The following SCHIP1 variants were observed in gnomAD, a reference collection of about 807,000 sequenced individuals.
SCHIP1 encodes schwannomin interacting protein 1.
A neutral mutation model predicts 29.7 loss-of-function variants in SCHIP1; 8 were observed. That is an observed-to-expected ratio of 0.27 (90% CI 0.16 to 0.49). The LOEUF (loss-of-function observed/expected upper bound fraction) is 0.49. Ranked by LOEUF, SCHIP1 falls within the 20% of genes least tolerant of loss-of-function variation. SCHIP1 has a pLI of 0.99. For missense variants in SCHIP1, 193 were observed against 294.6 expected (o/e 0.66, Z 2.52); for synonymous variants, 76 against 94.9 (o/e 0.80, Z 1.16).
chr3:159,475,214 T>C, the SCHIP1 span, among the ~76,000 whole-genome samples: 2 of 152,182 alleles, frequency 1.3e-5, no homozygotes, highest in Non-Finnish European at 2.9e-5. Context: ...AATTGTGGTA[T>C]ACTCATACAA....
chr3:159,385,566 A>G, the SCHIP1 span, among the ~76,000 whole-genome samples: 2 of 65,566 alleles, frequency 3.1e-5, no homozygotes, highest in Non-Finnish European at 7.0e-5. Context: ...CTGCAAACAA[A>G]CAAACAAACA....
At chr3:159,462,244 C>G in the SCHIP1 span, among the ~76,000 whole-genome samples, 1 of 151,866 alleles carries the variant, frequency 6.6e-6, no homozygotes, top group Non-Finnish European at 1.5e-5. Context: ...AAAAATAAAA[C>G]CATCTGAAAT....
chr3:159,503,820 T>G, the SCHIP1 span, among the ~76,000 whole-genome samples: 8 of 152,184 alleles, frequency 5.3e-5, no homozygotes, highest in Non-Finnish European at 7.3e-5. Flanking sequence ...ATAAAGGTAA[T>G]TAACCTAACA....
the SCHIP1 span, among the ~76,000 whole-genome samples, chr3:159,757,039 C>T: frequency 6.6e-6 from 1 of 152,198 alleles, no homozygotes; most frequent in Non-Finnish European, 1.5e-5. Flanking sequence ...TTCTTCTGAG[C>T]CCTCCAAACT....
At chr3:159,825,733 AG>A in the SCHIP1 span, among the ~76,000 whole-genome samples, 6 of 152,298 alleles carry the variant, frequency 3.9e-5, no homozygotes, top group African/African-American at 1.4e-4. Context: ...CATACAATCT[AG>A]TGGAGCAAAT....
rs2306062 is a variant in SCHIP1 at position 159,886,138 on chromosome 3, C to T, written c.150-69C>T. The T allele has an allele frequency of 8.1e-5, 126 of 1,547,934 alleles. No homozygotes were observed. In the East Asian group the frequency reaches 2.4e-3, roughly 30 times the overall value. ...ACTACTTTCTGTTAGCAAAATCAGA[C>T]AGTTCTATTGGCTGAAGCCAAATAA... On this transcript the variant is annotated intron_variant, in intron 2 of 6. Coordinates refer to ENST00000445224, the Ensembl canonical transcript of SCHIP1.
At chr3:159,889,523 T>C (rs1238189847) in intron 5 of SCHIP1, among the ~76,000 whole-genome samples, 1 of 152,214 alleles carries the variant, frequency 6.6e-6, no homozygotes, top group Non-Finnish European at 1.5e-5. Context: ...AGTTAGTTGC[T>C]TGTCCTGATG....
chr3:159,715,723 C>G, the SCHIP1 span, among the ~76,000 whole-genome samples: 1 of 152,124 alleles, frequency 6.6e-6, no homozygotes, highest in Admixed American at 6.6e-5. Flanking sequence ...AAGAAATGAA[C>G]TAAGCCTCCA....
intron 5 of SCHIP1, among the ~76,000 whole-genome samples, chr3:159,890,565 A>G (rs1039001118): frequency 3.9e-5 from 6 of 152,240 alleles, no homozygotes; most frequent in Non-Finnish European, 5.9e-5. Flanking sequence ...TTAAGAAACC[A>G]TAGATTCACA....
At chr3:159,623,322 G>A in the SCHIP1 span, among the ~76,000 whole-genome samples, 1 of 152,162 alleles carries the variant, frequency 6.6e-6, no homozygotes, top group South Asian at 2.1e-4. Context: ...TACCTCTTCT[G>A]TGTGTTTAAA....
chr3:159,781,332 C>T, the SCHIP1 span, among the ~76,000 whole-genome samples: 2 of 152,134 alleles, frequency 1.3e-5, no homozygotes, highest in African/African-American at 2.4e-5. Context: ...CACACCACCA[C>T]GCCCAGCTAG....
the SCHIP1 span, among the ~76,000 whole-genome samples, chr3:159,418,201 G>A: frequency 2.3e-3 from 343 of 152,268 alleles, 1 homozygote; most frequent in African/African-American, 7.7e-3. Flanking sequence ...TCCATTGTGT[G>A]TAAGTACTGT....
chr3:159,508,913 G>T, the SCHIP1 span, among the ~76,000 whole-genome samples: 1 of 152,220 alleles, frequency 6.6e-6, no homozygotes. Flanking sequence ...TGGAATAAGT[G>T]CAGTGTGGTG....
the SCHIP1 span, among the ~76,000 whole-genome samples, chr3:159,672,375 C>T: frequency 1.3e-5 from 2 of 152,334 alleles, no homozygotes; most frequent in South Asian, 2.1e-4. Flanking sequence ...CAGGGTCATT[C>T]TGCTGCCATG....
At chr3:159,753,292 C>T in the SCHIP1 span, among the ~76,000 whole-genome samples, 1 of 152,220 alleles carries the variant, frequency 6.6e-6, no homozygotes, top group Non-Finnish European at 1.5e-5. Context: ...TAAATATCTA[C>T]TTGTCATCTC....
At chr3:159,749,497 G>A in the SCHIP1 span, among the ~76,000 whole-genome samples, 1 of 152,162 alleles carries the variant, frequency 6.6e-6, no homozygotes, top group Admixed American at 6.5e-5. Context: ...CTTGGCCATT[G>A]CTGTGGATTT....
At chr3:159,447,437 G>C in the SCHIP1 span, among the ~76,000 whole-genome samples, 3 of 152,074 alleles carry the variant, frequency 2.0e-5, no homozygotes, top group African/African-American at 7.2e-5. Flanking sequence ...AGAGTAAAAA[G>C]GTCTTCAAAT....
chr3:159,622,641 G>A, the SCHIP1 span, among the ~76,000 whole-genome samples: 3,344 of 152,188 alleles, frequency 0.022, 70 homozygotes, highest in African/African-American at 0.052. Flanking sequence ...ATTTACAGCC[G>A]GGCATGGTGG....
intron 1 of SCHIP1, among the ~76,000 whole-genome samples, chr3:159,860,802 C>T (rs1195139274): frequency 6.6e-6 from 1 of 152,206 alleles, no homozygotes; most frequent in Non-Finnish European, 1.5e-5. Flanking sequence ...TTTATTCCCA[C>T]TTCTGTGCCT....
Sources: allele counts gnomAD v4.1 joint callset (sites outside exome capture counted in the v4.1 genomes callset), GRCh38; gene constraint gnomAD v4.1.1; transcripts MANE v1.5; gene names NCBI Gene and HGNC (gene_info 2026-07-23, HGNC 2026-07-21).